The following UNC93A variants were observed in gnomAD, a reference collection of about 807,000 sequenced individuals.
UNC93A encodes unc-93 homolog A.
In UNC93A, 43 loss-of-function variants were observed where a neutral mutation model predicts 47.5. The observed-to-expected ratio is 0.91, with a 90% CI of 0.71 to 1.17. The LOEUF is 1.17. Ranked by LOEUF, UNC93A falls within the 50% of genes most tolerant of loss-of-function variation. UNC93A has a pLI of 0.00. For missense variants in UNC93A, 605 were observed against 577.6 expected (o/e 1.05, Z -0.49); for synonymous variants, 280 against 258.0 (o/e 1.09, Z -0.82).
intron 1 of UNC93A, among the ~76,000 whole-genome samples, chr6:167,285,979 T>TACACAC (rs1554237667): frequency 1.4e-5 from 2 of 142,116 alleles, no homozygotes; most frequent in East Asian, 4.3e-4. Flanking sequence ...TATATATATA[T>TACACAC]ACACACACAC....
At position 167,297,851 on chromosome 6, in the gene UNC93A, A is replaced by G. The variant is rs1778131634; in HGVS notation, c.500-94A>G. On this transcript the variant is annotated intron_variant, in intron 3 of 7. Coordinates refer to ENST00000230256, the MANE Select transcript of UNC93A (RefSeq NM_018974.4). ...TAGTGATGCCTCCCCCCAGGTGTCC[A>G]ATGTCCTTTCCACTGTCACTTTGAT... 4.6e-6 allele frequency: 7 copies of G among 1,516,204 alleles called. No homozygotes were observed. The South Asian group carries it at 7.5e-5, about 16-fold the overall frequency. 93.9% of individuals were successfully genotyped at this position (1,516,204 alleles called of 1,614,324 possible).
At chr6:167,303,791 T>A in intron 4 of UNC93A, 128 bp from the exon 5 acceptor site, 1 of 824,576 alleles carries the variant, frequency 1.2e-6, no homozygotes, top group Non-Finnish European at 2.0e-6. Context: ...GTGTCTAATG[T>A]CGCCTGAAAT....
At chr6:167,273,260 C>T (rs1032688625) in intron 1 of UNC93A, among the ~76,000 whole-genome samples, 4 of 151,312 alleles carry the variant, frequency 2.6e-5, no homozygotes, top group Non-Finnish European at 5.9e-5. Context: ...TCTTTTTGGG[C>T]ACCAGAGCAA....
chr6:167,279,242 T>C (rs974496497), intron 1 of UNC93A, among the ~76,000 whole-genome samples: 1 of 152,282 alleles, frequency 6.6e-6, no homozygotes, highest in Admixed American at 6.5e-5. Context: ...CTGACGGAGA[T>C]ATATATAGAG....
chr6:167,294,817 G>A (rs917466535), intron 2 of UNC93A, 119 bp downstream of exon 2: 16 of 1,147,206 alleles, frequency 1.4e-5, no homozygotes, highest in Admixed American at 2.5e-5. Flanking sequence ...ATTTTAAAAT[G>A]AGCTCTCCTG....
Position 167,312,698 on chromosome 6 carries a change from C to G in UNC93A, c.1109-2489C>G, listed in dbSNP as rs949598161. On this transcript the variant is annotated intron_variant, in intron 7 of 7. Transcript: ENST00000230256. ...ATGTGTTCAATCTTTTACATGTGTA[C>G]AGTCATTTCAGAATTGTTGAAATAC... Among the ~76,000 whole-genome samples the G allele has an allele frequency of 8.5e-5, 13 of 152,240 alleles. 1 individual carries two copies. The highest frequency in any genetic ancestry group is 1.4e-4 in the African/African-American group (6 of 41,444).
At chr6:167,298,212 T>C in intron 4 of UNC93A, 142 bp downstream of exon 4, 1 of 1,319,082 alleles carries the variant, frequency 7.6e-7, no homozygotes, top group East Asian at 2.5e-5. Flanking sequence ...TTGGTCTGGA[T>C]TATATGCAGG....
intron 7 of UNC93A, among the ~76,000 whole-genome samples, chr6:167,309,230 C>T (rs1382018407): frequency 3.9e-5 from 6 of 152,144 alleles, no homozygotes; most frequent in Admixed American, 2.6e-4. Context: ...GTGCTTTGTG[C>T]GGGCTGGCTG....
intron 7 of UNC93A, among the ~76,000 whole-genome samples, chr6:167,309,964 G>A (rs1416614208): frequency 2.0e-5 from 3 of 152,138 alleles, no homozygotes; most frequent in South Asian, 4.1e-4. Context: ...AGGCCAGGCC[G>A]GGGCATTGCT....
intron 1 of UNC93A, among the ~76,000 whole-genome samples, chr6:167,275,434 T>C (rs1394805313): frequency 2.6e-5 from 4 of 152,230 alleles, no homozygotes; most frequent in Non-Finnish European, 4.4e-5. Flanking sequence ...CAAATCAGTT[T>C]CCAGGAGCTG....
intron 7 of UNC93A, among the ~76,000 whole-genome samples, chr6:167,309,269 G>C (rs1362441530): frequency 6.6e-6 from 1 of 152,230 alleles, no homozygotes; most frequent in African/African-American, 2.4e-5. Context: ...GCGTGAGAGC[G>C]TTTTGGAGGA....
In UNC93A at chr6:167,310,742, G is replaced by A. The variant is rs960092530; in HGVS notation, c.1108+2832G>A. Among the ~76,000 whole-genome samples, 5 of 152,134 alleles carry A rather than the reference G, an allele frequency of 3.3e-5. 1 individual carries two copies. The highest frequency in any genetic ancestry group is 9.7e-5 in the African/African-American group (4 of 41,398). On this transcript the variant is annotated intron_variant, in intron 7 of 7. Coordinates refer to ENST00000230256, the MANE Select transcript of UNC93A (RefSeq NM_018974.4). ...CTAAAAATACAAAAATTAGCCAGGC[G>A]TGATGGCACATGCCTGTAGTCTCAG...
In UNC93A at chr6:167,274,365, G is replaced by T. The variant is rs560845318; in HGVS notation, c.-52+2907G>T. ...AATGGAAAAATCCTACGTATTCCAC[G>T]TTCGGTCCGTCCTCCCTCCTCCTGC... On this transcript the variant is annotated intron_variant, in intron 1 of 3. Transcript: ENST00000503433. Among the ~76,000 whole-genome samples, 8 of 152,282 alleles carry T rather than the reference G, an allele frequency of 5.3e-5. No homozygotes were observed. The East Asian group carries it at 9.6e-4, about 18-fold the overall frequency.
In UNC93A at chr6:167,296,046, C is replaced by A. The variant is rs1778077287; in HGVS notation, c.284C>A (p.Pro95His). 13 of 1,614,124 alleles carry A rather than the reference C, an allele frequency of 8.1e-6. No homozygotes were observed. The highest frequency in any genetic ancestry group is 1.3e-5 in the African/African-American group (1 of 75,018). ...TTTACCCACAGGTACACTTTGATCC[C>A]CACCTCCATACTGCTGGGACTCGGG... ...NFFASWYTLI[P>H]TSILLGLGAA... is the part of the protein sequence containing the mutation. The change falls in exon 3 of 8, where the codon CCC becomes CAC. Residue 95 changes from proline to histidine, a missense_variant. Pro to His is a moderately conservative substitution (Grantham distance 77). Transcript: ENST00000230256.
chr6:167,311,888 A>G (rs1350374706), intron 7 of UNC93A, among the ~76,000 whole-genome samples: 1 of 150,316 alleles, frequency 6.7e-6, no homozygotes, highest in Non-Finnish European at 1.5e-5. Flanking sequence ...CATCTCACAG[A>G]GCCACGGCAC....
At chr6:167,305,099 T>C (rs898575265) in intron 5 of UNC93A, among the ~76,000 whole-genome samples, 8 of 52,858 alleles carry the variant, frequency 1.5e-4, no homozygotes, top group Admixed American at 1.7e-4. Context: ...GAAACTTCTC[T>C]GCTCCAGATC....
At position 167,293,363 on chromosome 6, in the gene UNC93A, G is replaced by A. The variant is rs554515115; in HGVS notation, c.88-1154G>A. Among the ~76,000 whole-genome samples, 5 of 152,234 alleles carry A rather than the reference G, an allele frequency of 3.3e-5. No individual in the cohort carries two copies. In the South Asian group the frequency reaches 6.2e-4, roughly 19 times the overall value. On this transcript the variant is annotated intron_variant, in intron 1 of 7. Coordinates refer to ENST00000230256, the MANE Select transcript of UNC93A (RefSeq NM_018974.4). ...CTGCAGGGCCCCAGGACTGTGGAAG[G>A]GTCCCCTCCACTCCAGCTCCACCCT...
Position 167,303,908 on chromosome 6 carries a change from T to A in UNC93A, c.626-11T>A, listed in dbSNP as rs1778308815. The A allele has an allele frequency of 3.1e-6, 5 of 1,613,920 alleles. No homozygotes were observed. The East Asian group carries it at 1.1e-4, about 36-fold the overall frequency. ...CCCATGAAAGCTGAAGCCTTTGCTA[T>A]GTCCTTTCAGGGAGTGGTGTCCTGG... On this transcript the variant is annotated splice_polypyrimidine_tract_variant and intron_variant, in intron 4 of 7. Coordinates refer to ENST00000230256, the MANE Select transcript of UNC93A (RefSeq NM_018974.4).
upstream of UNC93A, among the ~76,000 whole-genome samples, chr6:167,269,629 C>T (rs1460378975): frequency 6.6e-6 from 1 of 152,068 alleles, no homozygotes; most frequent in Non-Finnish European, 1.5e-5. Context: ...ATTTTTGAGA[C>T]AGAGTCTTGC....
Sources: allele counts gnomAD v4.1 joint callset (sites outside exome capture counted in the v4.1 genomes callset), GRCh38; gene constraint gnomAD v4.1.1; transcripts MANE v1.5; gene names NCBI Gene and HGNC (gene_info 2026-07-23, HGNC 2026-07-21).